The following PTCHD4 variants were observed in gnomAD, a reference collection of about 807,000 sequenced individuals.
The protein encoded by PTCHD4 is patched domain containing 4, also known as patched domain-containing protein 4.
Under a neutral mutation model 58.1 loss-of-function variants are expected in PTCHD4, and 33 were observed. The observed-to-expected ratio is 0.57, with a 90% CI of 0.43 to 0.76. The LOEUF (loss-of-function observed/expected upper bound fraction) is 0.76, where lower values mean the gene tolerates loss of function less well. PTCHD4 is among the 30% of genes least tolerant of loss of function. The pLI is 0.00. For synonymous variants in PTCHD4, 478 were observed against 409.6 expected (o/e 1.17, Z -2.02); for missense variants, 1,058 against 1,027.1 (o/e 1.03, Z -0.41).
At chr6:47,918,429 A>C (rs1765327327) in intron 4 of PTCHD4, among the ~76,000 whole-genome samples, 1 of 152,190 alleles carries the variant, frequency 6.6e-6, no homozygotes, top group Non-Finnish European at 1.5e-5. Flanking sequence ...ACAAGACAAG[A>C]ACCAGGACAA....
rs371664073 is a variant in PTCHD4 at position 48,099,294 on chromosome 6, C to T, written c.-970+11755G>A. Among the ~76,000 whole-genome samples, 4 of 152,260 alleles carry T rather than the reference C, an allele frequency of 2.6e-5. No individual in the cohort carries two copies. The East Asian group carries it at 5.8e-4, about 22-fold the overall frequency. ...TGCTAGCGTGCTGGACAGGTGGTAA[C>T]GGGCCTTGAAGAAGCAGGCCATCTA... On this transcript the variant is annotated intron_variant, in intron 1 of 4. Coordinates refer to ENST00000339488, the MANE Select transcript of PTCHD4 (RefSeq NM_001384253.1).
intron 4 of PTCHD4, among the ~76,000 whole-genome samples, chr6:47,973,428 A>G (rs183098643): frequency 6.6e-6 from 1 of 152,352 alleles, no homozygotes; most frequent in Admixed American, 6.5e-5. Flanking sequence ...TGACAATAAA[A>G]ACAATGCTAC....
intron 4 of PTCHD4, among the ~76,000 whole-genome samples, chr6:47,897,630 A>G (rs1426598644): frequency 6.6e-6 from 1 of 152,324 alleles, no homozygotes; most frequent in African/African-American, 2.4e-5. Flanking sequence ...GGAGATTCCT[A>G]CATTGGCTTC....
intron 4 of PTCHD4, among the ~76,000 whole-genome samples, chr6:47,941,106 C>T (rs1283270136): frequency 6.6e-6 from 1 of 152,216 alleles, no homozygotes; most frequent in East Asian, 1.9e-4. Flanking sequence ...CTCACTCTCC[C>T]TCGTAACACA....
At chr6:48,103,273 G>GGCA (rs1765647232) in intron 1 of PTCHD4, among the ~76,000 whole-genome samples, 1 of 152,176 alleles carries the variant, frequency 6.6e-6, no homozygotes, top group Admixed American at 6.5e-5. Context: ...GGAATGATCA[G>GGCA]GCAGCAGCAT....
chr6:47,962,880 C>T (rs1393845045), intron 4 of PTCHD4, among the ~76,000 whole-genome samples: 1 of 150,828 alleles, frequency 6.6e-6, no homozygotes, highest in Non-Finnish European at 1.5e-5. Flanking sequence ...AATAGGCATG[C>T]CAGGTGCGGT....
intron 4 of PTCHD4, among the ~76,000 whole-genome samples, chr6:47,984,115 ATTGAT>A (rs1191703331): frequency 6.6e-6 from 1 of 152,190 alleles, no homozygotes; most frequent in African/African-American, 2.4e-5. Context: ...ATTGGCAATT[ATTGAT>A]TTCATAATCA....
chr6:47,862,580 C>T lies in PTCHD4; in HGVS notation c.*15723G>A, dbSNP rs1426947359. Among the ~76,000 whole-genome samples, 1 of 151,712 alleles carries T rather than the reference C, an allele frequency of 6.6e-6. No individual in the cohort carries two copies. Among genetic ancestry groups the T allele is most frequent in the Non-Finnish European group, 1.5e-5 (1 of 67,812 alleles). On this transcript the variant is annotated 3_prime_UTR_variant, in exon 5 of 5. Coordinates refer to ENST00000339488, the MANE Select transcript of PTCHD4 (RefSeq NM_001384253.1). ...GTTTAACTTGGTTTCCATTTGCTTA[C>T]TTCTCATTCCCTGAAATTGTACTGG...
chr6:48,064,438 C>A (rs1225323812), intron 3 of PTCHD4, among the ~76,000 whole-genome samples: 1 of 152,010 alleles, frequency 6.6e-6, no homozygotes, highest in Non-Finnish European at 1.5e-5. Flanking sequence ...ACTCTGAAGG[C>A]CTATCTCACT....
chr6:47,873,966 A>G lies in PTCHD4; in HGVS notation c.*4337T>C, dbSNP rs1763783276. The stretch of plus-strand genomic sequence containing the variant: ...TTGCCAATATCCTTCGCAGACACCA[A>G]CAAACCAGACTGAACAGAAAGATCC... On this transcript the variant is annotated 3_prime_UTR_variant, in exon 5 of 5. Transcript: ENST00000339488. 6.6e-6 allele frequency among the ~76,000 whole-genome samples: 1 copy of G among 151,712 alleles called. No homozygotes were observed. Among genetic ancestry groups the G allele is most frequent in the African/African-American group, 2.4e-5 (1 of 41,374 alleles).
At chr6:47,992,103 C>T (rs1442604694) in intron 4 of PTCHD4, among the ~76,000 whole-genome samples, 2 of 152,020 alleles carry the variant, frequency 1.3e-5, no homozygotes, top group Non-Finnish European at 2.9e-5. Flanking sequence ...TGTAAGAAAA[C>T]AGGTTAGTAC....
chr6:48,025,894 AC>A (rs1763225983), intron 3 of PTCHD4, among the ~76,000 whole-genome samples: 1 of 152,148 alleles, frequency 6.6e-6, no homozygotes, highest in Admixed American at 6.5e-5. Context: ...GCACTCAGGG[AC>A]AGGGCTACTC....
At chr6:48,037,376 T>G (rs1263161976) in intron 3 of PTCHD4, among the ~76,000 whole-genome samples, 3 of 152,106 alleles carry the variant, frequency 2.0e-5, no homozygotes, top group African/African-American at 7.2e-5. Flanking sequence ...TCCACTGGAG[T>G]CTTGGACTGC....
chr6:48,053,637 G>A (rs115735144), intron 3 of PTCHD4, among the ~76,000 whole-genome samples: 4 of 152,200 alleles, frequency 2.6e-5, no homozygotes, highest in Non-Finnish European at 4.4e-5. Context: ...TTTTTAAAAT[G>A]AATGCCCTTG....
chr6:48,023,767 T>A (rs2114116484), intron 3 of PTCHD4, among the ~76,000 whole-genome samples: 1 of 152,230 alleles, frequency 6.6e-6, no homozygotes, highest in African/African-American at 2.4e-5. Flanking sequence ...TTAAAAAAGG[T>A]CAAAACTTTA....
chr6:48,018,279 C>T (rs1762935543), intron 3 of PTCHD4, among the ~76,000 whole-genome samples: 2 of 152,150 alleles, frequency 1.3e-5, no homozygotes, highest in South Asian at 4.1e-4. Flanking sequence ...GCACCCTCAT[C>T]TCCAAAATAA....
intron 4 of PTCHD4, among the ~76,000 whole-genome samples, chr6:48,003,424 T>A (rs896441759): frequency 1.3e-5 from 2 of 152,180 alleles, no homozygotes; most frequent in Non-Finnish European, 2.9e-5. Flanking sequence ...CATTGACAAT[T>A]CTTTTTCTCT....
chr6:48,090,973 C>T (rs1000905188), intron 1 of PTCHD4, among the ~76,000 whole-genome samples: 2 of 152,088 alleles, frequency 1.3e-5, no homozygotes, highest in South Asian at 2.1e-4. Context: ...AACCTGAAAT[C>T]GCTTTTTCTA....
chr6:48,107,269 C>A (rs1765751509), intron 1 of PTCHD4, among the ~76,000 whole-genome samples: 1 of 152,104 alleles, frequency 6.6e-6, no homozygotes, highest in Admixed American at 6.5e-5. Flanking sequence ...ACCAATGGAA[C>A]AGAACAGAGC....
Sources: allele counts gnomAD v4.1 joint callset (sites outside exome capture counted in the v4.1 genomes callset), GRCh38; gene constraint gnomAD v4.1.1; transcripts MANE v1.5; gene names NCBI Gene and HGNC (gene_info 2026-07-23, HGNC 2026-07-21).